Variants in EPHX3 observed in about 807,000 individuals in gnomAD.
EPHX3 encodes abhydrolase domain containing 9.
EPHX3 carries 39 observed loss-of-function variants against 40.2 expected under a neutral mutation model. The ratio of observed to expected loss-of-function variants is 0.97; its 90% CI spans 0.75 to 1.27. The LOEUF (loss-of-function observed/expected upper bound fraction) is 1.27, where lower values mean the gene tolerates loss of function less well. Among genes scored for constraint, EPHX3 ranks in the 50% most tolerant of loss-of-function variants. The pLI is 0.00. For missense variants in EPHX3, 442 were observed against 474.0 expected, an observed-to-expected ratio of 0.93 and a Z score of 0.63; for synonymous variants, 213 against 209.7, an observed-to-expected ratio of 1.02 and a Z score of -0.14.
rs376871082 is a variant in EPHX3 at position 15,232,076 on chromosome 19, G to A, written c.136C>T (p.His46Tyr). 1.3e-4 allele frequency: 204 copies of A among 1,569,424 alleles called. 1 individual carries two copies. The African/African-American group carries it at 2.6e-3, about 20-fold the overall frequency. The change falls in exon 1 of 7, where the codon CAC becomes TAC. Residue 46 changes from histidine to tyrosine, a missense_variant. Transcript: ENST00000221730. ...AAVYGCIALT[H>Y]VLCRPRRGCC... ...CCGCGCCGGGGCCGGCACAGCACGT[G>A]CGTGAGCGCTATGCAGCCGTAGACC... is the stretch of plus-strand genomic sequence containing the variant.
upstream of EPHX3, chr19:15,236,946 C>G (rs2047196358): frequency 9.7e-6 from 2 of 206,212 alleles, no homozygotes; most frequent in Non-Finnish European, 2.0e-5. Context: ...AACACTGAGG[C>G]ACCAGCGTCG....
At chr19:15,233,879 T>C (rs1599423713), upstream of EPHX3, among the ~76,000 whole-genome samples, 1 of 151,950 alleles carries the variant, frequency 6.6e-6, no homozygotes, top group Non-Finnish European at 1.5e-5. Flanking sequence ...CCTAACATGG[T>C]GAAACCCTGT....
rs757323249 is a variant in EPHX3 at position 15,231,771 on chromosome 19, C to T, written c.329+5G>A. The T allele has an allele frequency of 2.3e-5, 37 of 1,613,828 alleles. No individual in the cohort carries two copies. The highest frequency in any genetic ancestry group is 3.1e-5 in the Non-Finnish European group (36 of 1,179,966). ...TGGGCCTCAGGCCCCTGGCCCCAGA[C>T]GTACCAGTTCTCAGGGAAGCCGTGC... On this transcript the variant is annotated splice_donor_5th_base_variant and intron_variant, in intron 2 of 6. Coordinates refer to ENST00000221730, the MANE Select transcript of EPHX3 (RefSeq NM_024794.3).
rs1221156947 is a variant in EPHX3, at chr19:15,227,757, G to A, written c.857+14C>T. ...TGCAAATCTCCTGAGCTTATGCTTG[G>A]CAACTGGTCTCACCTGAAGAGGTTT... is the stretch of plus-strand genomic sequence containing the variant. On this transcript the variant is annotated intron_variant, in intron 6 of 6. Transcript: ENST00000221730. 6.2e-7 allele frequency: 1 copy of A among 1,613,152 alleles called. No individual in the cohort carries two copies. Among genetic ancestry groups the A allele is most frequent in the Admixed American group, 1.7e-5 (1 of 59,898 alleles).
chr19:15,227,783 CG>C lies in EPHX3; in HGVS notation c.844del (p.Arg282GlufsTer14). ...GGLTGPLNYY[R>X]NLFRNFPLEP... ...CAACTGGTCTCACCTGAAGAGGTTT[CG>C]GTAGTAGTTGAGGGGCCCAGTGAGG... On this transcript the variant is annotated frameshift_variant, in exon 6 of 7. Transcript: ENST00000221730. LOFTEE classifies it high-confidence loss of function. 6.2e-7 allele frequency: 1 copy of C among 1,613,724 alleles called. No homozygotes were observed. The highest frequency in any genetic ancestry group is 8.5e-7 in the Non-Finnish European group (1 of 1,179,918).
At position 15,228,097 on chromosome 19, in the gene EPHX3, T is replaced by C. The variant is rs750615594; in HGVS notation, c.620A>G (p.Tyr207Cys). The change falls in exon 5 of 7, where the codon TAT (tyrosine) becomes TGT (cysteine). Residue 207 changes from tyrosine to cysteine, a missense_variant. By Grantham distance (194) the Tyr-to-Cys change is radical. Transcript: ENST00000221730. The stretch of plus-strand genomic sequence containing the variant: ...GAACTGGCTGATGTGGTGCAGGGAA[T>C]AGTCTGGGGTGGGAGGGTTGGGGGA... ...SGAPMSVYQD[Y>C]SLHHISQFFR... The C allele has an allele frequency of 1.3e-6, 2 of 1,591,660 alleles. No individual in the cohort carries two copies. Among genetic ancestry groups the C allele is most frequent in the Non-Finnish European group, 1.7e-6 (2 of 1,163,402 alleles).
chr19:15,228,676 T>C (rs1428762411), intron 4 of EPHX3, among the ~76,000 whole-genome samples: 1 of 151,340 alleles, frequency 6.6e-6, no homozygotes. Context: ...CGCCACCACG[T>C]CCGGCTAATT....
chr19:15,229,683 A>C (rs2047138786), intron 4 of EPHX3, among the ~76,000 whole-genome samples: 1 of 151,400 alleles, frequency 6.6e-6, no homozygotes, highest in Non-Finnish European at 1.5e-5. Flanking sequence ...TCACAAGGTC[A>C]GGAGATCAAG....
chr19:15,236,912 A>G (rs1210708395), upstream of EPHX3: 1 of 204,828 alleles, frequency 4.9e-6, no homozygotes, highest in East Asian at 7.3e-5. Context: ...AAGTCAAACC[A>G]GTCAGTGACT....
In EPHX3 at chr19:15,229,533, C is replaced by T. The variant is rs377456745; in HGVS notation, c.616+1429G>A. Among the ~76,000 whole-genome samples the T allele has an allele frequency of 2.1e-3, 315 of 147,738 alleles. 1 individual carries two copies. The highest frequency in any genetic ancestry group is 0.02 in the East Asian group (97 of 4,908). ...AAGAGAATCACTTGAACCTGAGAGG[C>T]GGAGGTTGCCGTGAGCCGACATTGC... is the stretch of plus-strand genomic sequence containing the variant. On this transcript the variant is annotated intron_variant, in intron 4 of 6. Transcript: ENST00000221730.
Position 15,227,115 on chromosome 19 carries a change from C to G in EPHX3, c.*322G>C, listed in dbSNP as rs945975867. ...TGGCAGAGAAGCGACTTTGGCAAAG[C>G]GCAGAGTGAGGCCCCAGGAAGGGAG... On this transcript the variant is annotated 3_prime_UTR_variant, in exon 7 of 7. Transcript: ENST00000221730. 5 of 386,460 alleles carry G rather than the reference C, an allele frequency of 1.3e-5. No homozygotes were observed. Among genetic ancestry groups the G allele is most frequent in the Non-Finnish European group, 2.4e-5 (5 of 207,556 alleles). The allele number at this position is 386,460 out of a possible 1,614,324, so 23.9% of individuals were successfully genotyped here.
intron 4 of EPHX3, among the ~76,000 whole-genome samples, chr19:15,230,063 C>A (rs1241179432): frequency 6.6e-6 from 1 of 151,864 alleles, no homozygotes; most frequent in Non-Finnish European, 1.5e-5. Context: ...GATAATACAA[C>A]CTTCATAAGC....
At chr19:15,234,592 G>A (rs565592564), upstream of EPHX3, among the ~76,000 whole-genome samples, 218 of 152,226 alleles carry the variant, frequency 1.4e-3, 3 homozygotes, top group African/African-American at 5.1e-3. Context: ...GCAAGCCACC[G>A]TGCCTGACCT....
At chr19:15,235,136 G>A (rs536340014), upstream of EPHX3, among the ~76,000 whole-genome samples, 9 of 152,070 alleles carry the variant, frequency 5.9e-5, no homozygotes, top group African/African-American at 1.4e-4. Flanking sequence ...GGAGTAGCCG[G>A]GACTACAGGT....
chr19:15,228,495 T>A (rs2047129435), intron 4 of EPHX3, among the ~76,000 whole-genome samples: 1 of 143,022 alleles, frequency 7.0e-6, no homozygotes, highest in Non-Finnish European at 1.5e-5. Context: ...GAAACCCCTG[T>A]ATCTATAATT....
chr19:15,227,814 C>A lies in EPHX3; in HGVS notation c.814G>T (p.Gly272Cys), dbSNP rs371318334. The A allele has an allele frequency of 1.2e-6, 2 of 1,614,038 alleles. No homozygotes were observed. Among genetic ancestry groups the A allele is most frequent in the Non-Finnish European group, 1.7e-6 (2 of 1,180,008 alleles). Residue 272 changes from glycine (G) to cysteine (C), a missense_variant, in exon 6 of 7, where the codon GGT (glycine) becomes TGT (cysteine). Gly to Cys is a radical substitution (Grantham distance 159). Coordinates refer to ENST00000221730, the MANE Select transcript of EPHX3 (RefSeq NM_024794.3). ...TAGTTGAGGGGCCCAGTGAGGCCAC[C>A]AGGCTGTGAGAAGTTATAAAGGAAG... ...EAFLYNFSQP[G>C]GLTGPLNYYR... is the part of the protein sequence containing the mutation.
At chr19:15,233,996 G>A (rs1002216536), upstream of EPHX3, among the ~76,000 whole-genome samples, 2 of 151,434 alleles carry the variant, frequency 1.3e-5, no homozygotes, top group East Asian at 3.9e-4. Context: ...GGAGGCGGAG[G>A]TTGCAGTGAG....
chr19:15,229,628 C>A (rs1400905986), intron 4 of EPHX3, among the ~76,000 whole-genome samples: 1 of 148,632 alleles, frequency 6.7e-6, no homozygotes, highest in Admixed American at 6.7e-5. Context: ...GGCGTGGTGG[C>A]TCACGCCTAT....
rs1568372779 is a variant in EPHX3, at chr19:15,232,033, C to A, written c.179G>T (p.Arg60Leu). 1 of 1,587,866 alleles carries A rather than the reference C, an allele frequency of 6.3e-7. No individual in the cohort carries two copies. Among genetic ancestry groups the A allele is most frequent in the Non-Finnish European group, 8.5e-7 (1 of 1,173,264 alleles). The change falls in exon 1 of 7, where the codon CGG becomes CTG. Residue 60 changes from arginine to leucine, a missense_variant. By Grantham distance (102) the Arg-to-Leu change is moderately radical. Transcript: ENST00000221730. ...RPRRGCCGRR[R>L]SASPACLSDP... ...GCTCAGGCAGGCGGGGGACGCGCTCCGACGGCGCCCGCAGCAGCCGCGCCG... is the reference window on the plus strand; with the variant it reads ...GCTCAGGCAGGCGGGGGACGCGCTCAGACGGCGCCCGCAGCAGCCGCGCCG...
Sources: gnomAD v4.1 joint callset for allele counts (sites outside exome capture counted in the v4.1 genomes callset) on GRCh38, gnomAD v4.1.1 for gene constraint, MANE v1.5 for transcripts, NCBI Gene and HGNC (gene_info 2026-07-23, HGNC 2026-07-21) for gene names.